PRKRIP1: variants seen among roughly 807,000 people sequenced by gnomAD.
The protein encoded by PRKRIP1 is PRKR interacting protein 1.
In PRKRIP1, 29 loss-of-function variants were observed where a neutral mutation model predicts 29.3. That is an observed-to-expected ratio of 0.99 (90% confidence interval 0.74 to 1.35). PRKRIP1 has a LOEUF of 1.35. Ranked by LOEUF, PRKRIP1 falls within the 40% of genes most tolerant of loss-of-function variation. The pLI, the probability that PRKRIP1 is intolerant of heterozygous loss-of-function variation, is 0.00. For missense variants in PRKRIP1, 247 were observed against 236.8 expected (o/e 1.04, Z -0.28); for synonymous variants, 90 against 85.1 (o/e 1.06, Z -0.32).
chr7:102,405,337 A>T (rs1796185462), intron 4 of PRKRIP1, among the ~76,000 whole-genome samples: 1 of 152,236 alleles, frequency 6.6e-6, no homozygotes, highest in African/African-American at 2.4e-5. Context: ...CTGTATGTTT[A>T]TATGTGTATC....
At chr7:102,405,210 A>G (rs1395794969) in intron 4 of PRKRIP1, among the ~76,000 whole-genome samples, 1 of 152,206 alleles carries the variant, frequency 6.6e-6, no homozygotes, top group African/African-American at 2.4e-5. Context: ...TACAGGCATG[A>G]GCCACCACAC....
Position 102,399,661 on chromosome 7 carries a change from G to A in PRKRIP1, c.306+13G>A. ...CATGGCTGAGAAGGTCAGTGAGCCA[G>A]AAGGCTGGCTGAGCCCCCATGTTTG... On this transcript the variant is annotated intron_variant, in intron 3 of 5. Coordinates refer to ENST00000397912, the MANE Select transcript of PRKRIP1 (RefSeq NM_024653.4). 1 of 1,591,756 alleles carries A rather than the reference G, an allele frequency of 6.3e-7. No homozygotes were observed. Among genetic ancestry groups the A allele is most frequent in the Non-Finnish European group, 8.6e-7 (1 of 1,159,750 alleles).
chr7:102,405,960 C>A, intron 4 of PRKRIP1: 2 of 329,912 alleles, frequency 6.1e-6, no homozygotes, highest in South Asian at 2.7e-5. Context: ...AGTGCTTTCC[C>A]TGCAAAAAGT....
chr7:102,405,869 T>G (rs556934090), intron 4 of PRKRIP1: 4 of 295,976 alleles, frequency 1.4e-5, no homozygotes, highest in East Asian at 8.8e-5. Context: ...AGAAATAAGT[T>G]TATTTCTATA....
intron 2 of PRKRIP1, among the ~76,000 whole-genome samples, chr7:102,398,291 G>C (rs996973513): frequency 2.0e-5 from 3 of 147,342 alleles, no homozygotes; most frequent in East Asian, 2.0e-4. Context: ...TTTTGTTTTT[G>C]TTTTTCTTTT....
chr7:102,416,618 A>AAG (rs1482625336), intron 5 of PRKRIP1, among the ~76,000 whole-genome samples: 9 of 151,624 alleles, frequency 5.9e-5, no homozygotes, highest in African/African-American at 7.3e-5. Context: ...CACAGAGGGA[A>AAG]AGCACCCTTC....
intron 5 of PRKRIP1, chr7:102,423,493 G>A: frequency 4.4e-6 from 1 of 228,472 alleles, no homozygotes; most frequent in Admixed American, 5.2e-5. Flanking sequence ...CCCTGTCTTA[G>A]TGAATAGGAG....
rs77150298 is a variant in PRKRIP1, at chr7:102,407,581, G to A, written c.457+83G>A. The A allele has an allele frequency of 9.8e-4, 1,009 of 1,030,780 alleles. 8 individuals are homozygous for A. The African/African-American group carries it at 0.015, about 15-fold the overall frequency. 63.9% of individuals were successfully genotyped at this position (1,030,780 alleles called of 1,614,324 possible). A position where few individuals can be genotyped will look rare whatever the true frequency, so the allele number is the denominator to read the frequency against. On this transcript the variant is annotated intron_variant, in intron 5 of 5. Coordinates refer to ENST00000397912, the MANE Select transcript of PRKRIP1 (RefSeq NM_024653.4). ...CTGAACTGTCAGGAAACACAGGGAC[G>A]GAGAGTTTGGGCTGGTTGGCTGGCC...
At chr7:102,415,282 G>A (rs1400055578) in intron 5 of PRKRIP1, among the ~76,000 whole-genome samples, 28 of 152,218 alleles carry the variant, frequency 1.8e-4, no homozygotes, top group African/African-American at 6.8e-4. Flanking sequence ...CATCACTCAT[G>A]TTGGAGTGCA....
At position 102,398,342 on chromosome 7, in the gene PRKRIP1, T is replaced by C. The variant is rs148150509; in HGVS notation, c.205+644T>C. On this transcript the variant is annotated intron_variant, in intron 2 of 5. Coordinates refer to ENST00000397912, the MANE Select transcript of PRKRIP1 (RefSeq NM_024653.4). Reference sequence around the variant, plus strand: ...CTCTGTCACCCAGGCTGTAGTGCAGTGACACCATCTCGGCTCACTGCAACC... The same window carrying C: ...CTCTGTCACCCAGGCTGTAGTGCAGCGACACCATCTCGGCTCACTGCAACC... Among the ~76,000 whole-genome samples the C allele has an allele frequency of 3.8e-3, 580 of 152,208 alleles. 6 individuals carry two copies. The highest frequency in any genetic ancestry group is 0.014 in the African/African-American group (563 of 41,534).
intron 4 of PRKRIP1, among the ~76,000 whole-genome samples, 159 bp from the exon 5 acceptor site, chr7:102,407,275 C>T (rs778711858): frequency 1.7e-4 from 26 of 151,522 alleles, no homozygotes; most frequent in Non-Finnish European, 2.5e-4. Context: ...AATGCAAAAA[C>T]GGCAATTACT....
intron 5 of PRKRIP1, among the ~76,000 whole-genome samples, chr7:102,409,343 A>G (rs1796313240): frequency 6.6e-6 from 1 of 152,164 alleles, no homozygotes; most frequent in Non-Finnish European, 1.5e-5. Flanking sequence ...TCATCTCTCA[A>G]ATAAAGTACC....
intron 5 of PRKRIP1, among the ~76,000 whole-genome samples, chr7:102,417,759 A>G (rs1796593545): frequency 6.6e-6 from 1 of 151,590 alleles, no homozygotes; most frequent in African/African-American, 2.4e-5. Context: ...CTGGGCCCAC[A>G]GGCATGCACC....
intron 5 of PRKRIP1, among the ~76,000 whole-genome samples, chr7:102,419,895 GTT>G (rs1455496805): frequency 9.4e-5 from 12 of 127,832 alleles, no homozygotes; most frequent in African/African-American, 1.5e-4. Context: ...GTGTGTGTGT[GTT>G]TTTGAGATGG....
At chr7:102,408,653 T>G (rs1322353508) in intron 5 of PRKRIP1, among the ~76,000 whole-genome samples, 1 of 152,236 alleles carries the variant, frequency 6.6e-6, no homozygotes, top group East Asian at 1.9e-4. Flanking sequence ...TGACTGGATC[T>G]GCTTCCTGAG....
rs782674418 is a variant in PRKRIP1, at chr7:102,425,133, C to T, written c.*22C>T. On this transcript the variant is annotated 3_prime_UTR_variant, in exon 6 of 6. Transcript: ENST00000397912. The stretch of plus-strand genomic sequence containing the variant: ...ATGACAATGTTTGCCACAGCCTCTG[C>T]CTGGAACCTGGCTCGTGCTGTGACC... 8.1e-6 allele frequency: 13 copies of T among 1,603,744 alleles called. No homozygotes were observed. Among genetic ancestry groups the T allele is most frequent in the African/African-American group, 1.3e-5 (1 of 74,848 alleles).
At chr7:102,415,920 C>T (rs1796523772) in intron 5 of PRKRIP1, among the ~76,000 whole-genome samples, 1 of 152,274 alleles carries the variant, frequency 6.6e-6, no homozygotes, top group African/African-American at 2.4e-5. Context: ...CACTCCCTTC[C>T]ACATGCCCCC....
At chr7:102,421,532 T>C (rs3988080) in intron 5 of PRKRIP1, among the ~76,000 whole-genome samples, 150,453 of 152,090 alleles carry the variant, frequency 0.99, 74,430 homozygotes, top group Middle Eastern at 1. Flanking sequence ...GGTGTGGTGG[T>C]TCACGCCTGT....
rs782673043 is a variant in PRKRIP1 at position 102,396,502 on chromosome 7, C to T, written c.91C>T (p.Gln31Ter). 6.2e-7 allele frequency: 1 copy of T among 1,609,998 alleles called. No individual in the cohort carries two copies. The highest frequency in any genetic ancestry group is 1.1e-5 in the South Asian group (1 of 90,914). Residue 31 changes from glutamine (Q) to a stop codon, truncating the protein, a stop_gained, in exon 1 of 6, where the codon CAG becomes TAG. Coordinates refer to ENST00000397912, the MANE Select transcript of PRKRIP1 (RefSeq NM_024653.4). LOFTEE classifies it high-confidence loss of function. The stretch of plus-strand genomic sequence containing the variant: ...CATCCCCAAGAATGCGGCGGAGGAG[C>T]AGAAGCTCAAGCTGGAGCGGCTCAT... ...LVIPKNAAEE[Q>*]KLKLERLMKN...
Sources: allele counts gnomAD v4.1 joint callset (sites outside exome capture counted in the v4.1 genomes callset), GRCh38; gene constraint gnomAD v4.1.1; transcripts MANE v1.5; gene names NCBI Gene and HGNC (gene_info 2026-07-23, HGNC 2026-07-21).